Variants in SEMA4D observed in about 807,000 individuals in gnomAD.
The protein encoded by SEMA4D is semaphorin 4D.
SEMA4D carries 22 observed loss-of-function variants against 74.8 expected under a neutral mutation model. That is an observed-to-expected ratio of 0.29 (90% CI 0.21 to 0.42). The LOEUF (loss-of-function observed/expected upper bound fraction) is 0.42, where lower values mean the gene tolerates loss of function less well. Among genes scored for constraint, SEMA4D ranks in the 10% least tolerant of loss-of-function variants. SEMA4D has a pLI of 1.00. For missense variants in SEMA4D, 937 were observed against 1,118.4 expected (o/e 0.84, Z 2.31); for synonymous variants, 445 against 463.7 (o/e 0.96, Z 0.52).
At chr9:89,401,912 A>G (rs777534747) in intron 4 of SEMA4D, among the ~76,000 whole-genome samples, 5 of 151,812 alleles carry the variant, frequency 3.3e-5, no homozygotes, top group Non-Finnish European at 7.4e-5. Context: ...AAGAGCATCT[A>G]GACTTCGCTG....
chr9:89,446,005 T>C (rs1852742881), intron 2 of SEMA4D, among the ~76,000 whole-genome samples: 1 of 152,170 alleles, frequency 6.6e-6, no homozygotes, highest in Non-Finnish European at 1.5e-5. Context: ...GGCCCTGCCA[T>C]GTGTTCTATC....
chr9:89,472,886 G>A (rs894326760), intron 1 of SEMA4D, among the ~76,000 whole-genome samples: 3 of 152,068 alleles, frequency 2.0e-5, no homozygotes, highest in Admixed American at 2.0e-4. Context: ...TTGAGCCCAG[G>A]GGTTTGAGAC....
intron 1 of SEMA4D, among the ~76,000 whole-genome samples, chr9:89,465,886 T>C (rs913222638): frequency 6.6e-6 from 1 of 152,212 alleles, no homozygotes; most frequent in Non-Finnish European, 1.5e-5. Context: ...GAGGAGAAGA[T>C]GGAGTCCACA....
chr9:89,394,012 C>G (rs1840389420), intron 6 of SEMA4D, among the ~76,000 whole-genome samples: 1 of 152,206 alleles, frequency 6.6e-6, no homozygotes, highest in Non-Finnish European at 1.5e-5. Context: ...TAATCGGAAG[C>G]CCATGAGCAG....
At chr9:89,408,664 T>C (rs1046826596) in intron 2 of SEMA4D, among the ~76,000 whole-genome samples, 8 of 126,134 alleles carry the variant, frequency 6.3e-5, no homozygotes, top group Admixed American at 1.7e-4. Flanking sequence ...CCCGCGCCAC[T>C]AGAGGAGGAG....
chr9:89,384,708 G>C (rs1476104294), intron 13 of SEMA4D: 2 of 985,320 alleles, frequency 2.0e-6, no homozygotes, highest in Non-Finnish European at 2.4e-6. Context: ...GGAGGTGAGG[G>C]TGGAGGCACA....
At chr9:89,423,823 C>CCCTCCCTCAGCT (rs1564728544) in intron 2 of SEMA4D, among the ~76,000 whole-genome samples, 1 of 146,462 alleles carries the variant, frequency 6.8e-6, no homozygotes, top group Non-Finnish European at 1.5e-5. Flanking sequence ...TCAGCACCTC[C>CCCTCCCTCAGCT]CCTCCCTCAG....
At position 89,484,104 on chromosome 9, in the gene SEMA4D, C is replaced by T. The variant is rs539338848; in HGVS notation, c.-310+13815G>A. Among the ~76,000 whole-genome samples, 6 of 152,368 alleles carry T rather than the reference C, an allele frequency of 3.9e-5. No individual in the cohort carries two copies. The highest frequency in any genetic ancestry group is 4.1e-4 in the South Asian group (2 of 4,832). On this transcript the variant is annotated intron_variant, in intron 1 of 15. Coordinates refer to ENST00000422704, the MANE Select transcript of SEMA4D (RefSeq NM_001371194.2). This position sits in a 1 kb window ranked among gnomAD's most constrained non-coding sequence, Gnocchi z 4.1. The stretch of plus-strand genomic sequence containing the variant: ...AAGCTGGCAGGCACAGAAGGGCTTC[C>T]GGGCTCCCCCAGGAACTGGAGCCTT...
intron 1 of SEMA4D, among the ~76,000 whole-genome samples, chr9:89,461,700 C>CTCTCTCTCT (rs71281350): frequency 3.9e-5 from 4 of 103,646 alleles, no homozygotes; most frequent in African/African-American, 1.4e-4. Flanking sequence ...TCTTTTTTCT[C>CTCTCTCTCT]TTTTTTTTTT....
Position 89,399,835 on chromosome 9 carries a change from T to C in SEMA4D, c.253-497A>G, listed in dbSNP as rs149076107. Among the ~76,000 whole-genome samples the C allele has an allele frequency of 9.5e-3, 1,442 of 151,676 alleles. 43 individuals are homozygous for C. In the East Asian group the frequency reaches 0.098, roughly 10 times the overall value. On this transcript the variant is annotated intron_variant, in intron 4 of 15. Coordinates refer to ENST00000422704, the MANE Select transcript of SEMA4D (RefSeq NM_001371194.2). Reference sequence around the variant, plus strand: ...CAACATGGTGAAACTCCATCTTTACTAAAAATACAAAAATTATCTGGGAGT... The same window carrying C: ...CAACATGGTGAAACTCCATCTTTACCAAAAATACAAAAATTATCTGGGAGT...
intron 2 of SEMA4D, among the ~76,000 whole-genome samples, chr9:89,424,687 C>T (rs1170438736): frequency 6.6e-6 from 1 of 152,142 alleles, no homozygotes; most frequent in Admixed American, 6.5e-5. Flanking sequence ...TGCCCTCCCC[C>T]ACCTCTGCCC....
chr9:89,473,340 C>T (rs2136010336), intron 1 of SEMA4D, among the ~76,000 whole-genome samples: 1 of 152,046 alleles, frequency 6.6e-6, no homozygotes, highest in Admixed American at 6.5e-5. Flanking sequence ...TTTAGGAGGC[C>T]GAGGCAGGAC....
rs559659470 is a variant in SEMA4D at position 89,478,121 on chromosome 9, C to G, written c.-310+19798G>C. 5.3e-5 allele frequency among the ~76,000 whole-genome samples: 8 copies of G among 152,322 alleles called. No homozygotes were observed. The South Asian group carries it at 1.0e-3, about 20-fold the overall frequency. On this transcript the variant is annotated intron_variant, in intron 1 of 15. Coordinates refer to ENST00000422704, the MANE Select transcript of SEMA4D (RefSeq NM_001371194.2). The stretch of plus-strand genomic sequence containing the variant: ...GCCTGCCAGCCCTGTCTCCGCCCAC[C>G]AGGGCCACCAGCTCAGCCCGCGCAG...
intron 2 of SEMA4D, among the ~76,000 whole-genome samples, chr9:89,415,122 G>A (rs1032689456): frequency 6.6e-6 from 1 of 152,234 alleles, no homozygotes; most frequent in African/African-American, 2.4e-5. Flanking sequence ...AGACTGTCAT[G>A]CCATTTGTGT....
At chr9:89,464,885 A>G (rs1231157122) in intron 1 of SEMA4D, among the ~76,000 whole-genome samples, 1 of 152,254 alleles carries the variant, frequency 6.6e-6, no homozygotes, top group Non-Finnish European at 1.5e-5. Flanking sequence ...TGCTCAGCCC[A>G]CAGTGACATC....
chr9:89,372,565 ACT>A (rs1461439980), downstream of SEMA4D, among the ~76,000 whole-genome samples: 1 of 151,742 alleles, frequency 6.6e-6, no homozygotes, highest in Non-Finnish European at 1.5e-5. Flanking sequence ...AGCTCTGAAC[ACT>A]CTCAAGGCCG....
At chr9:89,437,618 G>C (rs371114014) in intron 2 of SEMA4D, among the ~76,000 whole-genome samples, 1 of 152,214 alleles carries the variant, frequency 6.6e-6, no homozygotes, top group Admixed American at 6.5e-5. Flanking sequence ...CTGCCCATGT[G>C]TGCCAGCGGC....
chr9:89,378,696 A>T lies in SEMA4D; in HGVS notation c.*8T>A. ...AGCCGAGGCACCAGCGGGGATGCAC[A>T]GCCGGCCTCAGTCTCCATCTGCGTC... On this transcript the variant is annotated 3_prime_UTR_variant, in exon 16 of 16. Coordinates refer to ENST00000422704, the MANE Select transcript of SEMA4D (RefSeq NM_001371194.2). 6.2e-7 allele frequency: 1 copy of T among 1,609,848 alleles called. No homozygotes were observed.
chr9:89,379,369 G>A lies in SEMA4D; in HGVS notation c.1924C>T (p.His642Tyr), dbSNP rs201073264. The A allele has an allele frequency of 6.2e-7, 1 of 1,614,206 alleles. No individual in the cohort carries two copies. The highest frequency in any genetic ancestry group is 1.7e-5 in the Admixed American group (1 of 60,030). The change falls in exon 16 of 16, where the codon CAC becomes TAC. Residue 642 changes from histidine to tyrosine, a missense_variant. By Grantham distance (83) the His-to-Tyr change is moderately conservative. Transcript: ENST00000422704. ...NKTVFQVVAK[H>Y]VLEVKVVPKP... ...GGAACCACCTTCACTTCCAGGACGT[G>A]CTTGGCGACCACTTGGAAGACCGTT...
Sources: allele counts gnomAD v4.1 joint callset (sites outside exome capture counted in the v4.1 genomes callset), GRCh38; gene constraint gnomAD v4.1.1; non-coding constraint Gnocchi (gnomAD v3.1); transcripts MANE v1.5; gene names NCBI Gene and HGNC (gene_info 2026-07-23, HGNC 2026-07-21).